PTPRD: variants seen among roughly 807,000 people sequenced by gnomAD.
The protein encoded by PTPRD is protein tyrosine phosphatase receptor type D, also known as receptor-type tyrosine-protein phosphatase delta.
PTPRD carries 34 observed loss-of-function variants against 214.5 expected under a neutral mutation model. The observed-to-expected ratio is 0.16, with a 90% CI of 0.12 to 0.21. The LOEUF (loss-of-function observed/expected upper bound fraction) is 0.21. Among genes scored for constraint, PTPRD ranks in the 10% least tolerant of loss-of-function variants. The pLI is 1.00. For missense variants in PTPRD, 2,545 were observed against 2,398.7 expected (o/e 1.06, Z -1.27); for synonymous variants, 1,128 against 845.7 (o/e 1.33, Z -5.79).
chr9:9,954,642 A>C (rs550147268), intron 4 of PTPRD, among the ~76,000 whole-genome samples: 1 of 152,218 alleles, frequency 6.6e-6, no homozygotes, highest in African/African-American at 2.4e-5. Context: ...TTAGAATACT[A>C]TAATAGGTAC....
chr9:9,478,231 C>G (rs1439452034), intron 8 of PTPRD, among the ~76,000 whole-genome samples: 1 of 152,088 alleles, frequency 6.6e-6, no homozygotes, highest in Admixed American at 6.6e-5. Flanking sequence ...GAGATTTATG[C>G]TACAGATTAA....
chr9:9,596,339 T>TATAGAA (rs1357862952), intron 7 of PTPRD, among the ~76,000 whole-genome samples: 5 of 152,008 alleles, frequency 3.3e-5, no homozygotes, highest in African/African-American at 1.2e-4. Context: ...ACATATATTA[T>TATAGAA]ATAGAAATAC....
chr9:9,472,539 A>T (rs1038622606), intron 8 of PTPRD, among the ~76,000 whole-genome samples: 2 of 152,042 alleles, frequency 1.3e-5, no homozygotes, highest in African/African-American at 4.8e-5. Flanking sequence ...AATCTCACAT[A>T]CTTGAGGGAA....
intron 8 of PTPRD, among the ~76,000 whole-genome samples, chr9:9,420,692 C>T (rs1025178757): frequency 7.2e-5 from 11 of 151,796 alleles, no homozygotes; most frequent in Non-Finnish European, 1.5e-4. Flanking sequence ...AAGTACTCAC[C>T]TCTGCATGTA....
At chr9:8,641,620 CGA>C (rs2096578322) in intron 12 of PTPRD, among the ~76,000 whole-genome samples, 3 of 133,230 alleles carry the variant, frequency 2.3e-5, no homozygotes, top group African/African-American at 8.2e-5. Flanking sequence ...GAGACATGGC[CGA>C]TATTCTAGAA....
chr9:9,790,029 A>T (rs146017692), intron 5 of PTPRD, among the ~76,000 whole-genome samples: 1 of 152,182 alleles, frequency 6.6e-6, no homozygotes, highest in East Asian at 1.9e-4. Context: ...ACTTCATGGG[A>T]TCAAAGATGA....
At chr9:9,148,902 G>A (rs1305149713) in intron 10 of PTPRD, among the ~76,000 whole-genome samples, 5 of 152,116 alleles carry the variant, frequency 3.3e-5, no homozygotes, top group Non-Finnish European at 5.9e-5. Flanking sequence ...GAACAAAATG[G>A]TGCAGTTACA....
chr9:8,493,548 G>C (rs1246750164), intron 26 of PTPRD, among the ~76,000 whole-genome samples: 2 of 152,180 alleles, frequency 1.3e-5, no homozygotes, highest in African/African-American at 2.4e-5. Flanking sequence ...GTTGGACCTA[G>C]ATACCCTGAG....
At chr9:10,232,813 T>A (rs1270937592) in intron 3 of PTPRD, among the ~76,000 whole-genome samples, 1 of 151,950 alleles carries the variant, frequency 6.6e-6, no homozygotes, top group East Asian at 1.9e-4. Context: ...GAAACTCAAC[T>A]CACACAAAAC....
intron 35 of PTPRD, among the ~76,000 whole-genome samples, chr9:8,423,156 G>T (rs2094464057): frequency 6.6e-6 from 1 of 152,110 alleles, no homozygotes; most frequent in Admixed American, 6.6e-5. Flanking sequence ...CAGAATTTCA[G>T]CAAGAGAGAA....
At chr9:9,613,135 CATATATATATATATATATAT>C (rs67735335) in intron 7 of PTPRD, among the ~76,000 whole-genome samples, 1 of 47,926 alleles carries the variant, frequency 2.1e-5, no homozygotes, top group African/African-American at 8.7e-5. Flanking sequence ...TACATACATA[CATATATATATATATATATAT>C]ATATATATAT....
At chr9:10,428,281 T>G (rs1362230841) in intron 2 of PTPRD, among the ~76,000 whole-genome samples, 1 of 152,056 alleles carries the variant, frequency 6.6e-6, no homozygotes, top group African/African-American at 2.4e-5. Context: ...ATCATGCCAC[T>G]GCACGACAGA....
At chr9:9,600,005 T>C (rs1220117722) in intron 7 of PTPRD, among the ~76,000 whole-genome samples, 1 of 152,044 alleles carries the variant, frequency 6.6e-6, no homozygotes, top group Non-Finnish European at 1.5e-5. Context: ...TGGGCTTGTT[T>C]CTATAATAGG....
At chr9:9,184,039 T>C (rs930729451) in intron 9 of PTPRD, among the ~76,000 whole-genome samples, 1 of 152,114 alleles carries the variant, frequency 6.6e-6, no homozygotes, top group Non-Finnish European at 1.5e-5. Flanking sequence ...GTTTTCACAA[T>C]TGCTTTATTT....
At chr9:8,335,423 C>A (rs1211053715) in intron 43 of PTPRD, among the ~76,000 whole-genome samples, 1 of 152,148 alleles carries the variant, frequency 6.6e-6, no homozygotes, top group Non-Finnish European at 1.5e-5. Context: ...GCAGAAAAGG[C>A]CTTTGGCAAA....
intron 3 of PTPRD, among the ~76,000 whole-genome samples, chr9:10,278,823 G>A (rs142454594): frequency 0.045 from 6,803 of 151,826 alleles, 407 homozygotes; most frequent in Admixed American, 0.17. Flanking sequence ...TGCCCAGGCT[G>A]GAGTGCAGTA....
intron 12 of PTPRD, among the ~76,000 whole-genome samples, chr9:8,659,039 T>C (rs1407753196): frequency 6.6e-6 from 1 of 151,554 alleles, no homozygotes; most frequent in Non-Finnish European, 1.5e-5. Context: ...CTTGAACTTA[T>C]TCTCATCCTT....
chr9:9,916,271 T>C (rs533943255), intron 5 of PTPRD, among the ~76,000 whole-genome samples: 37 of 151,772 alleles, frequency 2.4e-4, no homozygotes, highest in Non-Finnish European at 1.5e-4. Context: ...AATACCATCA[T>C]GGAAACATAC....
At chr9:9,045,688 C>T (rs1291590407) in intron 10 of PTPRD, among the ~76,000 whole-genome samples, 1 of 152,150 alleles carries the variant, frequency 6.6e-6, no homozygotes, top group African/African-American at 2.4e-5. Flanking sequence ...ATTCTCCTCT[C>T]AGACTGTTCC....
Sources: allele counts gnomAD v4.1 joint callset (sites outside exome capture counted in the v4.1 genomes callset), GRCh38; gene constraint gnomAD v4.1.1; transcripts MANE v1.5; gene names NCBI Gene and HGNC (gene_info 2026-07-23, HGNC 2026-07-21).